SNAP47: variants seen among roughly 807,000 people sequenced by gnomAD.
SNAP47 encodes the protein synaptosome associated protein 47.
A neutral mutation model predicts 31.4 loss-of-function variants in SNAP47; 20 were observed. The observed-to-expected ratio is 0.64, with a 90% CI of 0.45 to 0.93. The LOEUF (loss-of-function observed/expected upper bound fraction) is 0.93. SNAP47 is among the 40% of genes least tolerant of loss of function. The pLI is 0.00. For missense variants in SNAP47, 492 were observed against 528.5 expected (o/e 0.93, Z 0.68); for synonymous variants, 194 against 213.4 (o/e 0.91, Z 0.79).
In SNAP47 at chr1:227,767,567, G is replaced by A. The variant is rs995116179; in HGVS notation, c.1113+484G>A. Among the ~76,000 whole-genome samples the A allele has an allele frequency of 8.8e-5, 13 of 146,992 alleles. No individual in the cohort carries two copies. The East Asian group carries it at 2.3e-3, about 26-fold the overall frequency. On this transcript the variant is annotated intron_variant, in intron 4 of 4. Coordinates refer to ENST00000617596, the MANE Select transcript of SNAP47 (RefSeq NM_053052.4). ...AGTACATGTGTGTGTTGTGTGTGTTGTGTGTGTATGCACATGTGTGTGCTG... is the reference window on the plus strand; with the variant it reads ...AGTACATGTGTGTGTTGTGTGTGTTATGTGTGTATGCACATGTGTGTGCTG...
chr1:227,755,383 T>G (rs1662633874), intron 2 of SNAP47, among the ~76,000 whole-genome samples: 1 of 147,548 alleles, frequency 6.8e-6, no homozygotes, highest in Middle Eastern at 3.4e-3. Flanking sequence ...TGTTTTCTTT[T>G]TTTTCTTTTT....
At chr1:227,765,087 G>A (rs1391433606) in intron 3 of SNAP47, among the ~76,000 whole-genome samples, 1 of 152,206 alleles carries the variant, frequency 6.6e-6, no homozygotes, top group African/African-American at 2.4e-5. Context: ...CCAAGGAATT[G>A]CAGCTTGAGA....
rs1296058941 is a variant in SNAP47, at chr1:227,741,895, T to C, written c.-45-5797T>C. ...AAAGGGTGGCTACAAGTTTCTCTTC[T>C]TGCTTCTTCCTGGGCTGTTGTCAAA... On this transcript the variant is annotated intron_variant, in intron 1 of 4. Transcript: ENST00000617596. The surrounding 1 kb of genome is among the most constrained non-coding windows in gnomAD (Gnocchi z 4.2). Among the ~76,000 whole-genome samples, 1 of 149,352 alleles carries C rather than the reference T, an allele frequency of 6.7e-6. No homozygotes were observed. The highest frequency in any genetic ancestry group is 2.5e-5 in the African/African-American group (1 of 40,118).
intron 2 of SNAP47, among the ~76,000 whole-genome samples, chr1:227,753,593 G>A (rs749062679): frequency 2.0e-5 from 3 of 152,132 alleles, no homozygotes; most frequent in Non-Finnish European, 4.4e-5. Flanking sequence ...GAGAAGCGGG[G>A]TCTGTCATCC....
At chr1:227,738,233 G>C (rs1395505883) in intron 1 of SNAP47, among the ~76,000 whole-genome samples, 1 of 151,976 alleles carries the variant, frequency 6.6e-6, no homozygotes, top group African/African-American at 2.4e-5. Flanking sequence ...GTAGAGACGG[G>C]GTTTCACCAT....
At chr1:227,764,557 C>A (rs1432879845) in intron 3 of SNAP47, among the ~76,000 whole-genome samples, 1 of 152,066 alleles carries the variant, frequency 6.6e-6, no homozygotes, top group East Asian at 1.9e-4. Context: ...CACTTGGGTG[C>A]AGGAGGACGA....
intron 1 of SNAP47, among the ~76,000 whole-genome samples, chr1:227,744,496 G>A (rs1271770999): frequency 1.3e-5 from 2 of 152,042 alleles, no homozygotes; most frequent in Admixed American, 1.3e-4. Context: ...GCTTTAATGT[G>A]GCCCCTTACT....
rs549374335 is a variant in SNAP47, at chr1:227,762,230, C to A, written c.988+2745C>A. ...GCCACCTTTCCGTGCTCACTTTCAC[C>A]CCCATGGGCAACCTGGCCTGTCCAG... On this transcript the variant is annotated intron_variant, in intron 3 of 4. Coordinates refer to ENST00000617596, the MANE Select transcript of SNAP47 (RefSeq NM_053052.4). The surrounding 1 kb of genome is among the most constrained non-coding windows in gnomAD (Gnocchi z 4.2). 2.6e-5 allele frequency among the ~76,000 whole-genome samples: 4 copies of A among 152,222 alleles called. No individual in the cohort carries two copies. Among genetic ancestry groups the A allele is most frequent in the African/African-American group, 4.8e-5 (2 of 41,470 alleles).
Position 227,759,304 on chromosome 1 carries a change from C to T in SNAP47, c.807C>T (p.Arg269=). ...KVHSPYEISI[R]QRFIGKPDMA... ...ACTCACCTTACGAAATTAGCATCCG[C>T]CAGCGGTTTATTGGAAAGCCAGACA... is the stretch of plus-strand genomic sequence containing the variant. The change falls in exon 3 of 5, where the codon CGC becomes CGT. Residue 269 remains arginine (R), a synonymous_variant. Coordinates refer to ENST00000617596, the MANE Select transcript of SNAP47 (RefSeq NM_053052.4). 1 of 1,614,218 alleles carries T rather than the reference C, an allele frequency of 6.2e-7. No individual in the cohort carries two copies. Among genetic ancestry groups the T allele is most frequent in the Non-Finnish European group, 8.5e-7 (1 of 1,180,048 alleles).
chr1:227,735,587 A>G, intron 1 of SNAP47, 88 bp downstream of exon 1: 3 of 1,336,342 alleles, frequency 2.2e-6, no homozygotes, highest in Non-Finnish European at 2.9e-6. Context: ...TGTGGCTGAC[A>G]CAGCCCGAGC....
chr1:227,764,678 G>A (rs1663276060), intron 3 of SNAP47, among the ~76,000 whole-genome samples: 1 of 152,176 alleles, frequency 6.6e-6, no homozygotes, highest in Non-Finnish European at 1.5e-5. Context: ...GGCAGAGGCG[G>A]GCGAATCACG....
At chr1:227,732,258 C>T, upstream of SNAP47, 1 of 1,041,852 alleles carries the variant, frequency 9.6e-7, no homozygotes, top group Non-Finnish European at 1.4e-6. Context: ...CAGGCAGTGG[C>T]CATGAACAGC....
intron 4 of SNAP47, chr1:227,775,911 G>C: frequency 2.3e-6 from 3 of 1,302,524 alleles, no homozygotes; most frequent in Non-Finnish European, 3.0e-6. Context: ...TTTTCTTCCA[G>C]AACAGCCTTT....
Position 227,747,676 on chromosome 1 carries a change from GTCTCT to G in SNAP47, c.-45-11_-45-7del, listed in dbSNP as rs1373051387. The G allele has an allele frequency of 1.9e-6, 3 of 1,571,820 alleles. No homozygotes were observed. Among genetic ancestry groups the G allele is most frequent in the Middle Eastern group, 1.7e-4 (1 of 5,862 alleles). On this transcript the variant is annotated splice_polypyrimidine_tract_variant and intron_variant, in intron 1 of 4. Transcript: ENST00000617596. Reference sequence around the variant, plus strand: ...CCATGGGTGACGGCAGAACGTTACTGTCTCTTCTCCTTCAGAGGCAGAAGAGGCCT... The same window carrying G: ...CCATGGGTGACGGCAGAACGTTACTGTCTCCTTCAGAGGCAGAAGAGGCCT...
At position 227,777,797 on chromosome 1, in the gene SNAP47, C is replaced by G. The variant is rs920702203; in HGVS notation, c.1114-2730C>G. Reference sequence around the variant, plus strand: ...CAGAGCAGGTCCTGGCCCAGCCTCCCTTGGATGTCCCAGGGCCCTGCCACC... The same window carrying G: ...CAGAGCAGGTCCTGGCCCAGCCTCCGTTGGATGTCCCAGGGCCCTGCCACC... On this transcript the variant is annotated intron_variant, in intron 4 of 4. Transcript: ENST00000617596. Among the ~76,000 whole-genome samples, 3 of 152,142 alleles carry G rather than the reference C, an allele frequency of 2.0e-5. No individual in the cohort carries two copies. In the East Asian group the frequency reaches 5.8e-4, roughly 29 times the overall value.
chr1:227,735,154 G>A (rs759775870), upstream of SNAP47: 2 of 1,581,532 alleles, frequency 1.3e-6, no homozygotes, highest in African/African-American at 1.4e-5. Context: ...AGTCGGCGTA[G>A]GAGAAGGCGC....
At position 227,780,787 on chromosome 1, in the gene SNAP47, G is replaced by C; in HGVS notation, c.*114G>C. ...TGGCCCTCCGGAGTGGTCTTCCTCT[G>C]GATGGGGCTGCTACTGTGGGGCTGC... On this transcript the variant is annotated 3_prime_UTR_variant, in exon 5 of 5. Transcript: ENST00000617596. The C allele has an allele frequency of 7.0e-7, 1 of 1,430,254 alleles. No individual in the cohort carries two copies. Among genetic ancestry groups the C allele is most frequent in the East Asian group, 2.4e-5 (1 of 41,792 alleles). 88.6% of individuals were successfully genotyped at this position (1,430,254 alleles called of 1,614,324 possible).
intron 4 of SNAP47, among the ~76,000 whole-genome samples, chr1:227,779,004 T>G (rs1382082409): frequency 3.3e-5 from 5 of 152,234 alleles, no homozygotes; most frequent in Non-Finnish European, 7.3e-5. Flanking sequence ...CTCTGCCGTG[T>G]GCCTGTGAGT....
In SNAP47 at chr1:227,748,227, C is replaced by G; in HGVS notation, c.491C>G (p.Ala164Gly). 6.3e-7 allele frequency: 1 copy of G among 1,576,580 alleles called. No individual in the cohort carries two copies. Among genetic ancestry groups the G allele is most frequent in the Admixed American group, 1.8e-5 (1 of 55,264 alleles). Residue 164 changes from alanine to glycine, a missense_variant, in exon 2 of 5, where the codon GCG becomes GGG. By Grantham distance (60) the Ala-to-Gly change is moderately conservative (BLOSUM62 0). Coordinates refer to ENST00000617596, the MANE Select transcript of SNAP47 (RefSeq NM_053052.4). ...AAGATGGAGTCAGACCTGGAGGTGG[C>G]GGACAGGTGGGCTTGCTGTGTACAC... ...LDKMESDLEV[A>G]DRLLTELESP...
Sources: allele counts gnomAD v4.1 joint callset (sites outside exome capture counted in the v4.1 genomes callset), GRCh38; gene constraint gnomAD v4.1.1; non-coding constraint Gnocchi (gnomAD v3.1); transcripts MANE v1.5; gene names NCBI Gene and HGNC (gene_info 2026-07-23, HGNC 2026-07-21).